MECOM: variants seen among roughly 807,000 people sequenced by gnomAD.
MECOM encodes the protein MDS1 and EVI1 complex locus.
In MECOM, 13 loss-of-function variants were observed where a neutral mutation model predicts 116.3. The observed-to-expected ratio is 0.11, with a 90% CI of 0.07 to 0.18. MECOM has a LOEUF of 0.18. Among genes scored for constraint, MECOM ranks in the 10% least tolerant of loss-of-function variants. MECOM has a pLI of 1.00. For missense variants in MECOM, 1,299 were observed against 1,509.0 expected (o/e 0.86, Z 2.31); for synonymous variants, 528 against 535.2 (o/e 0.99, Z 0.19).
chr3:169,448,311 G>C (rs1009659913), intron 1 of MECOM, among the ~76,000 whole-genome samples: 6 of 152,160 alleles, frequency 3.9e-5, no homozygotes, highest in Admixed American at 3.3e-4. Context: ...AGAAGATATA[G>C]AACTAACTTA....
intron 2 of MECOM, among the ~76,000 whole-genome samples, chr3:169,346,741 T>TA (rs1176410639): frequency 2.0e-5 from 3 of 152,078 alleles, no homozygotes; most frequent in Non-Finnish European, 4.4e-5. Flanking sequence ...ACTACTTAGT[T>TA]ACACACCATG....
chr3:169,174,372 T>C (rs2149379653), intron 2 of MECOM, among the ~76,000 whole-genome samples: 1 of 152,322 alleles, frequency 6.6e-6, no homozygotes, highest in East Asian at 1.9e-4. Context: ...ACATTACTAA[T>C]GTAATGGACA....
chr3:169,349,579 C>G (rs1293685232), intron 2 of MECOM, among the ~76,000 whole-genome samples: 3 of 151,908 alleles, frequency 2.0e-5, no homozygotes, highest in African/African-American at 7.2e-5. Context: ...AATTGCCCCA[C>G]CTCATTTCAT....
intron 1 of MECOM, among the ~76,000 whole-genome samples, chr3:169,393,511 A>C (rs1047667155): frequency 6.6e-6 from 1 of 152,180 alleles, no homozygotes; most frequent in African/African-American, 2.4e-5. Context: ...TTCATTCATC[A>C]AGGTGCTTTG....
At chr3:169,318,711 G>A (rs980591870) in intron 2 of MECOM, among the ~76,000 whole-genome samples, 1 of 152,156 alleles carries the variant, frequency 6.6e-6, no homozygotes, top group African/African-American at 2.4e-5. Context: ...ACAGTATGGC[G>A]ATTCCTCCAG....
chr3:169,144,871 T>C (rs1397746994), intron 2 of MECOM: 11 of 716,012 alleles, frequency 1.5e-5, no homozygotes, highest in Admixed American at 2.8e-5. Context: ...AAATAACTCC[T>C]ACAGATCTCT....
intron 1 of MECOM, among the ~76,000 whole-genome samples, chr3:169,517,689 T>C (rs1756806524): frequency 6.6e-6 from 1 of 152,182 alleles, no homozygotes; most frequent in South Asian, 2.1e-4. Context: ...AAGCCAGAAT[T>C]GATGGCAGCT....
At chr3:169,254,996 T>TTAG (rs1756691666) in intron 2 of MECOM, among the ~76,000 whole-genome samples, 1 of 151,962 alleles carries the variant, frequency 6.6e-6, no homozygotes, top group African/African-American at 2.4e-5. Flanking sequence ...ACTTCCAAAA[T>TTAG]ATTCTAAAGG....
intron 1 of MECOM, among the ~76,000 whole-genome samples, chr3:169,459,080 C>T (rs577478810): frequency 2.0e-5 from 3 of 152,182 alleles, no homozygotes; most frequent in South Asian, 2.1e-4. Context: ...TGTTTTAGAG[C>T]GTTTCCCATT....
intron 1 of MECOM, among the ~76,000 whole-genome samples, chr3:169,490,993 A>G (rs542631385): frequency 6.6e-6 from 1 of 151,946 alleles, no homozygotes; most frequent in East Asian, 1.9e-4. Flanking sequence ...AGAGTAACCA[A>G]GACTATAGGC....
At chr3:169,441,931 T>C (rs1743797152) in intron 1 of MECOM, among the ~76,000 whole-genome samples, 1 of 151,286 alleles carries the variant, frequency 6.6e-6, no homozygotes, top group Non-Finnish European at 1.5e-5. Context: ...TTTGTTTTGT[T>C]TTGTTTTGTT....
intron 6 of MECOM, among the ~76,000 whole-genome samples, chr3:169,121,848 G>A (rs945149510): frequency 6.6e-6 from 1 of 151,454 alleles, no homozygotes; most frequent in Non-Finnish European, 1.5e-5. Context: ...AATCACAGGA[G>A]AATGACTACC....
intron 2 of MECOM, among the ~76,000 whole-genome samples, chr3:169,175,010 G>C (rs1043876012): frequency 6.6e-6 from 1 of 152,086 alleles, no homozygotes; most frequent in African/African-American, 2.4e-5. Flanking sequence ...TTACCCATCT[G>C]GTATAGAGAA....
At chr3:169,354,775 T>G (rs1023579962) in intron 2 of MECOM, among the ~76,000 whole-genome samples, 1 of 151,174 alleles carries the variant, frequency 6.6e-6, no homozygotes, top group Non-Finnish European at 1.5e-5. Context: ...GGCATATGTT[T>G]GTTCAGTTTT....
intron 1 of MECOM, among the ~76,000 whole-genome samples, chr3:169,525,521 G>A (rs548643915): frequency 8.7e-4 from 133 of 152,252 alleles, no homozygotes; most frequent in African/African-American, 2.9e-3. Flanking sequence ...AGAAGAAATT[G>A]GAGTAATGAA....
At chr3:169,263,221 C>T (rs1236053766) in intron 2 of MECOM, among the ~76,000 whole-genome samples, 2 of 147,680 alleles carry the variant, frequency 1.4e-5, no homozygotes, top group Non-Finnish European at 3.0e-5. Context: ...CTCCACCTCC[C>T]GGGTTCACGC....
In MECOM at chr3:169,131,512, G is replaced by A. The variant is rs754980890; in HGVS notation, c.530C>T (p.Ala177Val). Residue 177 changes from alanine to valine, a missense_variant, in exon 4 of 17, where the codon GCA (alanine) becomes GTA (valine). Physicochemically the swap from Ala to Val is moderately conservative, Grantham distance 64 (BLOSUM62 0). Transcript: ENST00000651503. ...INDQIFYRVV[A>V]DIAPGEELLL... ...AAGCTCCTCTCCCGGCGCAATGTCT[G>A]CAACTACTCTATAGAATATCTTTAA... The A allele has an allele frequency of 1.4e-5, 23 of 1,613,128 alleles. No homozygotes were observed.
chr3:169,220,805 T>C (rs1459412615), intron 2 of MECOM, among the ~76,000 whole-genome samples: 1 of 152,194 alleles, frequency 6.6e-6, no homozygotes, highest in East Asian at 1.9e-4. Context: ...AACTTTTTTA[T>C]TGTCTTTTCT....
chr3:169,397,849 A>G (rs1457087971), intron 1 of MECOM, among the ~76,000 whole-genome samples: 1 of 152,208 alleles, frequency 6.6e-6, no homozygotes. Flanking sequence ...AGCTTTTACC[A>G]GGTCATGCCT....
Sources: gnomAD v4.1 joint callset for allele counts (sites outside exome capture counted in the v4.1 genomes callset) on GRCh38, gnomAD v4.1.1 for gene constraint, MANE v1.5 for transcripts, NCBI Gene and HGNC (gene_info 2026-07-23, HGNC 2026-07-21) for gene names.